TNFRSF10B: variants seen among roughly 807,000 people sequenced by gnomAD.
The protein encoded by TNFRSF10B is TNF receptor superfamily member 10b, also known as tumor necrosis factor receptor superfamily member 10B.
A neutral mutation model predicts 41.4 loss-of-function variants in TNFRSF10B; 35 were observed. The ratio of observed to expected loss-of-function variants is 0.85; its 90% confidence interval spans 0.65 to 1.12. The LOEUF (loss-of-function observed/expected upper bound fraction) is 1.12, where lower values mean the gene tolerates loss of function less well. TNFRSF10B is among the 50% of genes most tolerant of loss of function. The pLI is 0.00. For missense variants in TNFRSF10B, 584 were observed against 552.7 expected (o/e 1.06, Z -0.57); for synonymous variants, 230 against 215.5 (o/e 1.07, Z -0.59).
intron 2 of TNFRSF10B, among the ~76,000 whole-genome samples, chr8:23,033,847 T>C (rs1811957498): frequency 6.6e-6 from 1 of 151,968 alleles, no homozygotes; most frequent in African/African-American, 2.4e-5. Flanking sequence ...GAGCAAGTTG[T>C]CTGGGTCTTT....
intron 1 of TNFRSF10B, among the ~76,000 whole-genome samples, chr8:23,063,483 A>G (rs1246081027): frequency 6.6e-6 from 1 of 152,150 alleles, no homozygotes; most frequent in Non-Finnish European, 1.5e-5. Context: ...CAGGTTCCTA[A>G]TTCTTAAAGC....
chr8:23,031,939 T>C (rs962816703), intron 2 of TNFRSF10B, among the ~76,000 whole-genome samples: 5 of 141,498 alleles, frequency 3.5e-5, no homozygotes, highest in African/African-American at 1.3e-4. Flanking sequence ...TGAGACGGAG[T>C]CTTGCTCTGT....
In TNFRSF10B at chr8:23,068,965, C is replaced by G; in HGVS notation, c.-71G>C. 6.2e-7 allele frequency: 1 copy of G among 1,611,122 alleles called. No individual in the cohort carries two copies. Among genetic ancestry groups the G allele is most frequent in the Non-Finnish European group, 8.5e-7 (1 of 1,179,028 alleles). On this transcript the variant is annotated 5_prime_UTR_variant, in exon 1 of 9. Transcript: ENST00000276431. ...GCCCTTAAAGTAGATCGGGCATCGT[C>G]GGTGTATTTTGTGGGCGCAGAGATT...
Position 23,030,472 on chromosome 8 carries a change from C to A in TNFRSF10B, c.364+287G>T, listed in dbSNP as rs111281368. Among the ~76,000 whole-genome samples the A allele has an allele frequency of 3.6e-3, 555 of 152,076 alleles. 1 individual carries two copies. Among genetic ancestry groups the A allele is most frequent in the African/African-American group, 0.013 (533 of 41,472 alleles). ...GAAATACAGGCACGCGCCACCATGC[C>A]CGGCTAATGTTTATATTTTTGTAGA... On this transcript the variant is annotated intron_variant, in intron 3 of 8. Coordinates refer to ENST00000276431, the MANE Select transcript of TNFRSF10B (RefSeq NM_003842.5).
chr8:23,034,882 G>A (rs972655613), intron 2 of TNFRSF10B, among the ~76,000 whole-genome samples: 1 of 152,238 alleles, frequency 6.6e-6, no homozygotes, highest in African/African-American at 2.4e-5. Flanking sequence ...GTGAATGACA[G>A]TGGATTATCA....
At chr8:23,068,156 C>G (rs1384790747) in intron 1 of TNFRSF10B, 1 of 154,038 alleles carries the variant, frequency 6.5e-6, no homozygotes, top group Non-Finnish European at 1.4e-5. Context: ...TGAGCGGCCC[C>G]GCACGCGTAG....
chr8:23,066,762 T>TG, intron 1 of TNFRSF10B, among the ~76,000 whole-genome samples: 1 of 151,814 alleles, frequency 6.6e-6, no homozygotes, highest in East Asian at 2.0e-4. Flanking sequence ...CTGGGCGTGG[T>TG]GGTGCATGCC....
intron 2 of TNFRSF10B, among the ~76,000 whole-genome samples, chr8:23,041,229 G>A (rs1812191884): frequency 6.6e-6 from 1 of 152,008 alleles, no homozygotes; most frequent in Admixed American, 6.6e-5. Context: ...GCTAATGTTT[G>A]TATTTTTAGT....
At chr8:23,038,699 A>C (rs1812091298) in intron 2 of TNFRSF10B, among the ~76,000 whole-genome samples, 1 of 152,182 alleles carries the variant, frequency 6.6e-6, no homozygotes, top group African/African-American at 2.4e-5. Flanking sequence ...TGTATACAGG[A>C]TAGCTGTATT....
intron 1 of TNFRSF10B, among the ~76,000 whole-genome samples, chr8:23,058,589 G>A (rs536127174): frequency 6.6e-6 from 1 of 151,862 alleles, no homozygotes; most frequent in African/African-American, 2.4e-5. Flanking sequence ...AGGTTCAAGC[G>A]ATTCTCCTGC....
chr8:23,039,709 T>C (rs1217732759), intron 2 of TNFRSF10B, among the ~76,000 whole-genome samples: 3 of 152,060 alleles, frequency 2.0e-5, no homozygotes, highest in African/African-American at 7.2e-5. Context: ...CACATACATG[T>C]CCTTAAGATC....
intron 1 of TNFRSF10B, among the ~76,000 whole-genome samples, chr8:23,056,467 A>G (rs906754996): frequency 6.6e-6 from 1 of 152,154 alleles, no homozygotes; most frequent in East Asian, 1.9e-4. Context: ...CCTGACCAAC[A>G]TGGTGAAACC....
intron 8 of TNFRSF10B, among the ~76,000 whole-genome samples, 157 bp from the exon 9 acceptor site, chr8:23,023,141 A>C (rs1199242362): frequency 6.6e-6 from 1 of 152,004 alleles, no homozygotes; most frequent in Non-Finnish European, 1.5e-5. Flanking sequence ...ATCCACAGAG[A>C]GCGCGCCCAC....
At position 23,021,194 on chromosome 8, in the gene TNFRSF10B, C is replaced by T. The variant is rs774976141; in HGVS notation, c.*1477G>A. ...TGAAATGGTTACTGAGGTCTTAAAA[C>T]AATAATAGAACAGGACACAAGAAGA... On this transcript the variant is annotated 3_prime_UTR_variant, in exon 9 of 9. Transcript: ENST00000276431. 1.5e-5 allele frequency: 7 copies of T among 454,070 alleles called. No individual in the cohort carries two copies. Among genetic ancestry groups the T allele is most frequent in the South Asian group, 1.1e-4 (7 of 64,478 alleles). 28.1% of individuals were successfully genotyped at this position (454,070 alleles called of 1,614,324 possible).
rs1405073985 is a variant in TNFRSF10B, at chr8:23,059,876, G to A, written c.144+8875C>T. Among the ~76,000 whole-genome samples the A allele has an allele frequency of 2.0e-5, 3 of 152,152 alleles. No homozygotes were observed. The East Asian group carries it at 5.8e-4, about 29-fold the overall frequency. Reference sequence around the variant, plus strand: ...GATGGTATCTCTGTCGTTTTGACCAGCAGTTCCCTAATGATTAGTGATTAA... The same window carrying A: ...GATGGTATCTCTGTCGTTTTGACCAACAGTTCCCTAATGATTAGTGATTAA... On this transcript the variant is annotated intron_variant, in intron 1 of 8. Transcript: ENST00000276431.
Position 23,068,830 on chromosome 8 carries a change from G to A in TNFRSF10B, c.65C>T (p.Pro22Leu). 1 of 1,612,966 alleles carries A rather than the reference G, an allele frequency of 6.2e-7. No homozygotes were observed. Among genetic ancestry groups the A allele is most frequent in the East Asian group, 2.2e-5 (1 of 44,866 alleles). ...SGARKRHGPG[P>L]REARGARPGP... Reference sequence around the variant, plus strand: ...AGGCCTGGCTCCCCGCGCCTCCCTGGGTCCTGGGCCGTGCCTTTTCCGGGC... The same window carrying A: ...AGGCCTGGCTCCCCGCGCCTCCCTGAGTCCTGGGCCGTGCCTTTTCCGGGC... Residue 22 changes from proline (P) to leucine (L), a missense_variant, in exon 1 of 9, where the codon CCC becomes CTC. Pro to Leu is a moderately conservative substitution (Grantham distance 98, BLOSUM62 -3). Transcript: ENST00000276431.
chr8:23,027,158 G>A lies in TNFRSF10B; in HGVS notation c.911C>T (p.Ser304Phe). The part of the protein sequence containing the change: ...PAEPTGVNML[S>F]PGESEHLLEP... ...CAGCAGATGCTCTGACTCCCCGGGG[G>A]ACAACATGTTGACACCTGTTGGCTC... The change falls in exon 7 of 9, where the codon TCC becomes TTC. Residue 304 changes from serine (S) to phenylalanine (F), a missense_variant. Coordinates refer to ENST00000276431, the MANE Select transcript of TNFRSF10B (RefSeq NM_003842.5). The A allele has an allele frequency of 6.2e-7, 1 of 1,614,158 alleles. No homozygotes were observed. Among genetic ancestry groups the A allele is most frequent in the South Asian group, 1.1e-5 (1 of 91,080 alleles).
At chr8:23,039,166 A>C (rs1812102500) in intron 2 of TNFRSF10B, among the ~76,000 whole-genome samples, 1 of 151,874 alleles carries the variant, frequency 6.6e-6, no homozygotes, top group Non-Finnish European at 1.5e-5. Context: ...GCTCCTATGA[A>C]GTCTAATGCT....
chr8:23,066,002 G>T (rs896291278), intron 1 of TNFRSF10B, among the ~76,000 whole-genome samples: 1 of 152,166 alleles, frequency 6.6e-6, no homozygotes, highest in African/African-American at 2.4e-5. Flanking sequence ...AAAATCATAG[G>T]TTGCGCACGG....
Sources: allele counts gnomAD v4.1 joint callset (sites outside exome capture counted in the v4.1 genomes callset), GRCh38; gene constraint gnomAD v4.1.1; transcripts MANE v1.5; gene names NCBI Gene and HGNC (gene_info 2026-07-23, HGNC 2026-07-21).